Variants in TPGS2 observed in about 807,000 individuals in gnomAD.
TPGS2 encodes the protein tubulin polyglutamylase complex subunit 2.
Under a neutral mutation model 31.1 loss-of-function variants are expected in TPGS2, and 26 were observed. The ratio of observed to expected loss-of-function variants is 0.84; its 90% confidence interval spans 0.61 to 1.16. TPGS2 has a LOEUF of 1.16. Among genes scored for constraint, TPGS2 ranks in the 50% most tolerant of loss-of-function variants. The pLI is 0.00. For synonymous variants in TPGS2, 130 were observed against 136.6 expected (o/e 0.95, Z 0.34); for missense variants, 351 against 363.8 (o/e 0.96, Z 0.29).
downstream of TPGS2, among the ~76,000 whole-genome samples, chr18:36,791,222 C>T (rs2044299298): frequency 6.6e-6 from 1 of 152,204 alleles, no homozygotes; most frequent in Non-Finnish European, 1.5e-5. Flanking sequence ...TCTTGTACAG[C>T]CTGCAGAACT....
chr18:36,808,770 G>A (rs560833276), intron 2 of TPGS2, among the ~76,000 whole-genome samples: 9 of 150,398 alleles, frequency 6.0e-5, no homozygotes, highest in Admixed American at 2.0e-4. Context: ...CATCCAAACC[G>A]TTGCTGGAGA....
intron 2 of TPGS2, 34 bp from the exon 3 acceptor site, chr18:36,807,968 G>A (rs375070030): frequency 6.2e-7 from 1 of 1,609,750 alleles, no homozygotes; most frequent in Admixed American, 1.7e-5. Flanking sequence ...GTTAGGTAAG[G>A]GCTGGGAAAG....
intron 6 of TPGS2, among the ~76,000 whole-genome samples, chr18:36,787,409 C>T (rs977284254): frequency 9.2e-5 from 14 of 152,168 alleles, no homozygotes; most frequent in Admixed American, 3.3e-4. Flanking sequence ...TTGGGGAGAG[C>T]GATCCCACTG....
intron 2 of TPGS2, among the ~76,000 whole-genome samples, chr18:36,818,008 G>C (rs1410456409): frequency 1.3e-5 from 2 of 152,116 alleles, no homozygotes; most frequent in East Asian, 3.8e-4. Context: ...CCAGGATAAG[G>C]AGTAAACTGC....
chr18:36,796,882 G>C lies in TPGS2; in HGVS notation c.826C>G (p.Pro276Ala). ...GTGGAGGGACCGGAGGGTCCTGAGG[G>C]CCCTTTCTGGCCACCTGCAGGCTGC... The part of the protein sequence containing the change: ...PVQPAGGQKG[P>A]SGPSGPSTSS... The change falls in exon 7 of 7, where the codon CCC becomes GCC. Residue 276 changes from proline to alanine, a missense_variant. Pro to Ala is a conservative substitution (Grantham distance 27). Coordinates refer to ENST00000334295, the MANE Select transcript of TPGS2 (RefSeq NM_015476.4). The C allele has an allele frequency of 6.2e-7, 1 of 1,611,586 alleles. No homozygotes were observed. Among genetic ancestry groups the C allele is most frequent in the Non-Finnish European group, 8.5e-7 (1 of 1,179,174 alleles).
At chr18:36,791,897 G>A (rs915824983), downstream of TPGS2, among the ~76,000 whole-genome samples, 1 of 151,960 alleles carries the variant, frequency 6.6e-6, no homozygotes, top group Non-Finnish European at 1.5e-5. Context: ...TAACCAGGTG[G>A]CGTGTGCCTC....
intron 1 of TPGS2, among the ~76,000 whole-genome samples, 172 bp downstream of exon 1, chr18:36,828,511 G>T (rs538979146): frequency 5.3e-5 from 8 of 152,250 alleles, no homozygotes; most frequent in Non-Finnish European, 1.0e-4. Context: ...ACACTTTCAA[G>T]GCCTAATCAC....
At chr18:36,780,900 T>C (rs987299944), downstream of TPGS2, among the ~76,000 whole-genome samples, 4 of 152,276 alleles carry the variant, frequency 2.6e-5, 1 homozygote, top group African/African-American at 9.6e-5. Context: ...CTGTGCACTT[T>C]TATACATCTG....
At chr18:36,797,432 A>G (rs1156725061) in intron 6 of TPGS2, among the ~76,000 whole-genome samples, 1 of 117,574 alleles carries the variant, frequency 8.5e-6, no homozygotes, top group Non-Finnish European at 2.1e-5. Flanking sequence ...TGGCAGCACC[A>G]TTCCCCCAGG....
At chr18:36,792,335 T>G (rs577894974), downstream of TPGS2, among the ~76,000 whole-genome samples, 5 of 152,144 alleles carry the variant, frequency 3.3e-5, no homozygotes, top group East Asian at 3.8e-4. Context: ...TGGTCATGAG[T>G]TGACAATTGA....
Position 36,828,833 on chromosome 18 carries a change from G to T in TPGS2, c.-66C>A. 1.3e-6 allele frequency: 2 copies of T among 1,576,228 alleles called. No homozygotes were observed. Among genetic ancestry groups the T allele is most frequent in the South Asian group, 1.1e-5 (1 of 89,746 alleles). ...GGGCCGGACCCCGCCTCAGCGCCGA[G>T]GCCAATTTCATGGCATGCCGGGAAC... On this transcript the variant is annotated 5_prime_UTR_variant, in exon 1 of 7. Transcript: ENST00000334295.
chr18:36,784,997 T>G (rs1177659484), intron 6 of TPGS2, among the ~76,000 whole-genome samples: 1 of 152,120 alleles, frequency 6.6e-6, no homozygotes, highest in Non-Finnish European at 1.5e-5. Context: ...GTTGAAGCAC[T>G]GTACCTTAAA....
chr18:36,804,680 TAATG>T (rs1191351354), intron 4 of TPGS2, among the ~76,000 whole-genome samples: 2 of 152,218 alleles, frequency 1.3e-5, no homozygotes, highest in Non-Finnish European at 2.9e-5. Flanking sequence ...CTTTCTTTCT[TAATG>T]AAAGCCCAGT....
At chr18:36,783,898 C>T (rs890552178) in intron 6 of TPGS2, among the ~76,000 whole-genome samples, 3 of 152,034 alleles carry the variant, frequency 2.0e-5, no homozygotes, top group African/African-American at 4.8e-5. Flanking sequence ...CTGGATCATC[C>T]GGGTATTCTC....
chr18:36,789,706 G>A (rs962190502), downstream of TPGS2: 1 of 152,164 alleles, frequency 6.6e-6, no homozygotes. Context: ...ATTCCCGTAT[G>A]TTGTGGGAGG....
intron 1 of TPGS2, among the ~76,000 whole-genome samples, chr18:36,823,460 G>GTTT (rs919277214): frequency 4.6e-5 from 5 of 108,100 alleles, no homozygotes; most frequent in South Asian, 2.8e-4. Flanking sequence ...TTAACAGCTT[G>GTTT]TTTTTTTTTT....
At chr18:36,806,731 A>G (rs749083923) in intron 3 of TPGS2, among the ~76,000 whole-genome samples, 3 of 151,638 alleles carry the variant, frequency 2.0e-5, no homozygotes, top group Non-Finnish European at 4.4e-5. Context: ...CATGCCTGTA[A>G]TCCCAGCTAC....
At chr18:36,798,250 T>C (rs2044628538) in intron 6 of TPGS2, 199 bp downstream of exon 6, 1 of 1,401,472 alleles carries the variant, frequency 7.1e-7, no homozygotes, top group Non-Finnish European at 9.3e-7. Context: ...TCAGTCAAGT[T>C]TGGGAACCAC....
At chr18:36,826,256 G>A (rs923863681) in intron 1 of TPGS2, among the ~76,000 whole-genome samples, 1 of 152,226 alleles carries the variant, frequency 6.6e-6, no homozygotes, top group Non-Finnish European at 1.5e-5. Context: ...GCAACTCCTG[G>A]TCTCAAGCAA....
Sources: allele counts gnomAD v4.1 joint callset (sites outside exome capture counted in the v4.1 genomes callset), GRCh38; gene constraint gnomAD v4.1.1; transcripts MANE v1.5; gene names NCBI Gene and HGNC (gene_info 2026-07-23, HGNC 2026-07-21).